PEBP4: variants seen among roughly 807,000 people sequenced by gnomAD.
PEBP4 encodes the protein phosphatidylethanolamine binding protein 4.
A neutral mutation model predicts 23.9 loss-of-function variants in PEBP4; 22 were observed. That is an observed-to-expected ratio of 0.92 (90% CI 0.66 to 1.31). The LOEUF is 1.31. Among genes scored for constraint, PEBP4 ranks in the 40% most tolerant of loss-of-function variants. The pLI is 0.00. For synonymous variants in PEBP4, 112 were observed against 99.3 expected, an observed-to-expected ratio of 1.13 and a Z score of -0.76; for missense variants, 324 against 281.7, an observed-to-expected ratio of 1.15 and a Z score of -1.07.
Position 22,927,910 on chromosome 8 carries a change from G to A in PEBP4, c.-94C>T, listed in dbSNP as rs1809386564. Reference sequence around the variant, plus strand: ...CCACCCGGACACAAGTACTTTGGGAGGACTGGGCCTCTTCCAAGTTGGACT... The same window carrying A: ...CCACCCGGACACAAGTACTTTGGGAAGACTGGGCCTCTTCCAAGTTGGACT... On this transcript the variant is annotated 5_prime_UTR_variant, in exon 1 of 7. Transcript: ENST00000256404. The A allele has an allele frequency of 3.3e-6, 2 of 597,200 alleles. No homozygotes were observed. The highest frequency in any genetic ancestry group is 2.3e-5 in the South Asian group (1 of 43,716). 37.0% of individuals were successfully genotyped at this position (597,200 alleles called of 1,614,324 possible).
intron 6 of PEBP4, among the ~76,000 whole-genome samples, chr8:22,715,258 C>T (rs1002439226): frequency 6.6e-6 from 1 of 152,198 alleles, no homozygotes; most frequent in Admixed American, 6.5e-5. Flanking sequence ...CTGACTGCAG[C>T]CGGGTTCTCC....
intron 4 of PEBP4, among the ~76,000 whole-genome samples, chr8:22,730,174 A>T (rs186525729): frequency 1.3e-5 from 2 of 152,124 alleles, no homozygotes; most frequent in African/African-American, 4.8e-5. Context: ...AAATACGGAG[A>T]TATTATCTGG....
At chr8:22,742,888 C>T (rs1191865475) in intron 4 of PEBP4, among the ~76,000 whole-genome samples, 1 of 152,218 alleles carries the variant, frequency 6.6e-6, no homozygotes. Flanking sequence ...GGGCGGCTTG[C>T]AGTCTGGCAG....
At chr8:22,737,064 C>T (rs538588047) in intron 4 of PEBP4, among the ~76,000 whole-genome samples, 2 of 152,194 alleles carry the variant, frequency 1.3e-5, no homozygotes, top group African/African-American at 2.4e-5. Context: ...GAGGCCGAGG[C>T]GGGCGGATCA....
At chr8:22,882,140 C>T (rs1720936458) in intron 3 of PEBP4, among the ~76,000 whole-genome samples, 1 of 152,214 alleles carries the variant, frequency 6.6e-6, no homozygotes, top group Non-Finnish European at 1.5e-5. Context: ...TATCCTTTCC[C>T]CAGTTCTTCA....
intron 4 of PEBP4, among the ~76,000 whole-genome samples, chr8:22,762,146 T>C (rs1055187861): frequency 1.3e-5 from 2 of 152,078 alleles, no homozygotes; most frequent in Non-Finnish European, 2.9e-5. Flanking sequence ...CAATATACCC[T>C]TCATTAATTT....
intron 5 of PEBP4, among the ~76,000 whole-genome samples, chr8:22,726,949 A>G (rs17088593): frequency 0.11 from 17,169 of 152,130 alleles, 2,721 homozygotes; most frequent in African/African-American, 0.36. Flanking sequence ...ATTCTTTACT[A>G]GCCATTCACA....
chr8:22,837,890 CTTTTTTTTTTTTT>C (rs746772591), intron 3 of PEBP4, among the ~76,000 whole-genome samples: 33 of 64,554 alleles, frequency 5.1e-4, no homozygotes, highest in South Asian at 8.8e-4. Context: ...TTATTATATT[CTTTTTTTTTTTTT>C]TTTTTTTTTT....
intron 3 of PEBP4, among the ~76,000 whole-genome samples, chr8:22,876,095 GA>G (rs1808115821): frequency 1.3e-5 from 2 of 152,212 alleles, no homozygotes; most frequent in East Asian, 3.9e-4. Flanking sequence ...ACTTTTAGTA[GA>G]AATGGGGTTT....
chr8:22,719,771 A>G (rs1225713345), intron 6 of PEBP4, among the ~76,000 whole-genome samples: 1 of 151,578 alleles, frequency 6.6e-6, no homozygotes, highest in East Asian at 2.0e-4. Flanking sequence ...CCCCCTTGAC[A>G]TGGGTGGCAA....
chr8:22,863,705 A>G (rs1381060579), intron 3 of PEBP4, among the ~76,000 whole-genome samples: 1 of 152,184 alleles, frequency 6.6e-6, no homozygotes, highest in African/African-American at 2.4e-5. Flanking sequence ...CATAGCAGAG[A>G]CAGAGGGTGG....
chr8:22,801,702 T>C (rs925200538), intron 4 of PEBP4, among the ~76,000 whole-genome samples: 2 of 152,014 alleles, frequency 1.3e-5, no homozygotes, highest in Non-Finnish European at 2.9e-5. Flanking sequence ...TCTACACACA[T>C]GCAATGCACA....
At chr8:22,749,692 C>T (rs941147925) in intron 4 of PEBP4, among the ~76,000 whole-genome samples, 1 of 152,122 alleles carries the variant, frequency 6.6e-6, no homozygotes, top group East Asian at 1.9e-4. Flanking sequence ...TTAGCCAGGT[C>T]CACCCCCTGC....
At chr8:22,888,155 C>CTTTTTTT (rs34600138) in intron 3 of PEBP4, 1 of 129,802 alleles carries the variant, frequency 7.7e-6, no homozygotes. Context: ...CCACCCACTT[C>CTTTTTTT]TTTTTTTTTT....
chr8:22,839,569 T>A (rs1161260654), intron 3 of PEBP4, among the ~76,000 whole-genome samples: 1 of 152,200 alleles, frequency 6.6e-6, no homozygotes, highest in Non-Finnish European at 1.5e-5. Context: ...TGAGGGTTCT[T>A]CTGGCGAAAA....
At chr8:22,896,909 G>A (rs1808599832) in intron 3 of PEBP4, among the ~76,000 whole-genome samples, 1 of 149,412 alleles carries the variant, frequency 6.7e-6, no homozygotes. Context: ...GGTATATTTG[G>A]ATATTTTTAT....
chr8:22,848,775 T>C (rs1807492726), intron 3 of PEBP4, among the ~76,000 whole-genome samples: 1 of 152,140 alleles, frequency 6.6e-6, no homozygotes, highest in Admixed American at 6.5e-5. Context: ...GAGACGATGA[T>C]GAGTGTCATC....
intron 3 of PEBP4, among the ~76,000 whole-genome samples, chr8:22,839,750 C>T (rs1807283509): frequency 6.6e-6 from 1 of 152,126 alleles, no homozygotes; most frequent in South Asian, 2.1e-4. Flanking sequence ...ACCTGACAGA[C>T]CCTCGTGATT....
chr8:22,738,063 C>T (rs780293921), intron 4 of PEBP4, among the ~76,000 whole-genome samples: 24 of 152,124 alleles, frequency 1.6e-4, no homozygotes, highest in African/African-American at 2.4e-4. Flanking sequence ...CTGATGGCTG[C>T]GCCGTGGGCT....
Sources: allele counts gnomAD v4.1 joint callset (sites outside exome capture counted in the v4.1 genomes callset), GRCh38; gene constraint gnomAD v4.1.1; transcripts MANE v1.5; gene names NCBI Gene and HGNC (gene_info 2026-07-23, HGNC 2026-07-21).